ATP13A4: variants seen among roughly 807,000 people sequenced by gnomAD.
ATP13A4 encodes the protein ATPase 13A4.
A neutral mutation model predicts 142.5 loss-of-function variants in ATP13A4; 114 were observed. The observed-to-expected ratio is 0.80, with a 90% confidence interval of 0.69 to 0.93. The LOEUF is 0.93. ATP13A4 is among the 40% of genes least tolerant of loss of function. ATP13A4 has a pLI of 0.00. For synonymous variants in ATP13A4, 488 were observed against 514.8 expected, an observed-to-expected ratio of 0.95 and a Z score of 0.70; for missense variants, 1,392 against 1,454.0, an observed-to-expected ratio of 0.96 and a Z score of 0.69.
intron 24 of ATP13A4, among the ~76,000 whole-genome samples, chr3:193,434,606 G>T (rs1430087404): frequency 2.0e-5 from 3 of 152,246 alleles, no homozygotes; most frequent in South Asian, 2.1e-4. Flanking sequence ...AGTAGGAAAA[G>T]ATATAGTTTA....
upstream of ATP13A4, among the ~76,000 whole-genome samples, chr3:193,558,397 G>C (rs1723949004): frequency 6.6e-6 from 1 of 152,154 alleles, no homozygotes; most frequent in South Asian, 2.1e-4. Flanking sequence ...TTCTAATCTT[G>C]ACATTTTCCT....
chr3:193,444,352 T>A (rs4686639), intron 18 of ATP13A4, among the ~76,000 whole-genome samples: 7 of 152,152 alleles, frequency 4.6e-5, no homozygotes, highest in Admixed American at 4.6e-4. Flanking sequence ...TCTTCATGAA[T>A]AAAGGAGAAA....
Position 193,436,832 on chromosome 3 carries a change from C to T in ATP13A4, c.2673-1088G>A, listed in dbSNP as rs921521057. 1.9e-4 allele frequency among the ~76,000 whole-genome samples: 26 copies of T among 139,094 alleles called. No homozygotes were observed. In the East Asian group the frequency reaches 3.8e-3, roughly 20 times the overall value. The allele number at this position is 139,094 out of a possible 152,430, so 91.3% of individuals were successfully genotyped here. On this transcript the variant is annotated intron_variant, in intron 23 of 29. Transcript: ENST00000342695. ...AAAACCTGATCCCCGGGGCCGGGCG[C>T]GGTGGCTCACGCCTGTAATCCCAGC...
At chr3:193,509,124 T>C (rs1721011086) in intron 2 of ATP13A4, among the ~76,000 whole-genome samples, 1 of 152,160 alleles carries the variant, frequency 6.6e-6, no homozygotes, top group Non-Finnish European at 1.5e-5. Context: ...TTTAAGTTCT[T>C]TGCCCCCATA....
At chr3:193,588,013 G>A (rs369616195) in intron 1 of ATP13A4, among the ~76,000 whole-genome samples, 1 of 151,714 alleles carries the variant, frequency 6.6e-6, no homozygotes, top group Non-Finnish European at 1.5e-5. Flanking sequence ...TATGTCTGCC[G>A]TCCCATCTAC....
intron 7 of ATP13A4, among the ~76,000 whole-genome samples, chr3:193,485,583 C>T (rs902547982): frequency 8.6e-5 from 13 of 150,824 alleles, no homozygotes; most frequent in South Asian, 2.1e-4. Flanking sequence ...AAAAGAAATA[C>T]GATTATCAAA....
Position 193,402,552 on chromosome 3 carries a change from C to T in ATP13A4, c.*100G>A. The stretch of plus-strand genomic sequence containing the variant: ...CATGATTTGATAGGTAGCCCCAAAA[C>T]TCCAGCTGATGTTACAAGAGTCTCA... On this transcript the variant is annotated 3_prime_UTR_variant, in exon 30 of 30. Transcript: ENST00000342695. The T allele has an allele frequency of 1.4e-6, 1 of 722,172 alleles. No individual in the cohort carries two copies. Among genetic ancestry groups the T allele is most frequent in the Non-Finnish European group, 2.5e-6 (1 of 394,862 alleles). 44.7% of individuals were successfully genotyped at this position (722,172 alleles called of 1,614,324 possible).
In ATP13A4 at chr3:193,489,807, C is replaced by T; in HGVS notation, c.661G>A (p.Asp221Asn). 2 of 1,610,780 alleles carry T rather than the reference C, an allele frequency of 1.2e-6. No individual in the cohort carries two copies. The highest frequency in any genetic ancestry group is 1.7e-6 in the Non-Finnish European group (2 of 1,177,148). Residue 221 changes from aspartate to asparagine, a missense_variant, in exon 7 of 30, where the codon GAC (aspartate) becomes AAC (asparagine). Asp to Asn is a conservative substitution (Grantham distance 23). Coordinates refer to ENST00000342695, the MANE Select transcript of ATP13A4 (RefSeq NM_032279.4). ...ATGGCAAAAGCATATTCCTTATAGT[C>T]TTCACTAAACCACAAACAGACACTG... The part of the protein sequence containing the change: ...LFSVCLWFSE[D>N]YKEYAFAIII...
chr3:193,440,667 T>A (rs761914277), intron 20 of ATP13A4, 30 bp from the exon 21 acceptor site: 105 of 1,607,044 alleles, frequency 6.5e-5, no homozygotes, highest in Admixed American at 1.7e-4. Flanking sequence ...GAGATTTTTT[T>A]ATCAAGTCAT....
intron 1 of ATP13A4, among the ~76,000 whole-genome samples, chr3:193,540,184 C>T (rs11719346): frequency 0.14 from 20,814 of 151,764 alleles, 1,535 homozygotes; most frequent in Non-Finnish European, 0.16. Context: ...TATGAAGCCC[C>T]GCAGTTTGCT....
At chr3:193,438,263 A>G (rs1383238966) in intron 23 of ATP13A4, among the ~76,000 whole-genome samples, 2 of 152,212 alleles carry the variant, frequency 1.3e-5, no homozygotes, top group Non-Finnish European at 2.9e-5. Context: ...TAACCTAATC[A>G]GTGAATTCAC....
chr3:193,475,461 T>C (rs536933110), intron 8 of ATP13A4, among the ~76,000 whole-genome samples: 1 of 152,034 alleles, frequency 6.6e-6, no homozygotes, highest in South Asian at 2.1e-4. Flanking sequence ...ATATATTGTA[T>C]TTTGTATATG....
chr3:193,504,656 T>C (rs60560702), intron 2 of ATP13A4, among the ~76,000 whole-genome samples: 4,048 of 152,228 alleles, frequency 0.027, 169 homozygotes, highest in African/African-American at 0.091. Context: ...TGCTAAAAAA[T>C]ATAATTTGAT....
chr3:193,438,709 C>T (rs1716448783), intron 22 of ATP13A4, 125 bp from the exon 23 acceptor site: 1 of 821,118 alleles, frequency 1.2e-6, no homozygotes, highest in African/African-American at 1.7e-5. Context: ...AACCAAGAGA[C>T]TTAACCCTGC....
chr3:193,470,969 C>T lies in ATP13A4; in HGVS notation c.833G>A (p.Arg278His), dbSNP rs777297473. 8.7e-6 allele frequency: 14 copies of T among 1,614,010 alleles called. No individual in the cohort carries two copies. The highest frequency in any genetic ancestry group is 5.5e-5 in the South Asian group (5 of 91,088). The part of the protein sequence containing the change: ...RKAGVQELES[R>H]VLVPGDLLIL... The stretch of plus-strand genomic sequence containing the variant: ...TAATAAATCTCCAGGCACCAGGACG[C>T]GTGATTCCAGCTCTTGAACTCCAGC... The change falls in exon 9 of 30, where the codon CGC becomes CAC. Residue 278 changes from arginine (R) to histidine (H), a missense_variant. Coordinates refer to ENST00000342695, the MANE Select transcript of ATP13A4 (RefSeq NM_032279.4).
intron 2 of ATP13A4, among the ~76,000 whole-genome samples, chr3:193,505,313 A>T (rs1720802888): frequency 6.6e-6 from 1 of 152,176 alleles, no homozygotes; most frequent in Non-Finnish European, 1.5e-5. Flanking sequence ...ACAGACCTCC[A>T]GACTGTAATG....
chr3:193,547,851 C>T (rs1314781019), intron 1 of ATP13A4, among the ~76,000 whole-genome samples: 1 of 152,146 alleles, frequency 6.6e-6, no homozygotes, highest in Non-Finnish European at 1.5e-5. Flanking sequence ...ACAAGGGACA[C>T]CTCGTTTTCA....
At chr3:193,547,365 A>G (rs1320170991) in intron 1 of ATP13A4, among the ~76,000 whole-genome samples, 1 of 152,230 alleles carries the variant, frequency 6.6e-6, no homozygotes, top group Non-Finnish European at 1.5e-5. Context: ...CCAGGCTGGC[A>G]TCACAATCAT....
chr3:193,565,052 T>C (rs932153700), intron 2 of ATP13A4, among the ~76,000 whole-genome samples: 8 of 152,210 alleles, frequency 5.3e-5, no homozygotes, highest in Non-Finnish European at 1.2e-4. Context: ...TTCTACATTA[T>C]GTTGAGTTGT....
Sources: allele counts gnomAD v4.1 joint callset (sites outside exome capture counted in the v4.1 genomes callset), GRCh38; gene constraint gnomAD v4.1.1; transcripts MANE v1.5; gene names NCBI Gene and HGNC (gene_info 2026-07-23, HGNC 2026-07-21).